The following COMMD1 variants were observed in gnomAD, a reference collection of about 807,000 sequenced individuals.
COMMD1 encodes the protein copper metabolism domain containing 1.
Under a neutral mutation model 17.2 loss-of-function variants are expected in COMMD1, and 10 were observed. The ratio of observed to expected loss-of-function variants is 0.58; its 90% CI spans 0.36 to 0.99. COMMD1 has a LOEUF of 0.99. Among genes scored for constraint, COMMD1 ranks in the 50% least tolerant of loss-of-function variants. COMMD1 has a pLI of 0.01. For synonymous variants in COMMD1, 97 were observed against 91.6 expected, an observed-to-expected ratio of 1.06 and a Z score of -0.34; for missense variants, 270 against 231.8, an observed-to-expected ratio of 1.17 and a Z score of -1.07.
At chr2:62,120,305 GT>G (rs374491424) in intron 2 of COMMD1, among the ~76,000 whole-genome samples, 1,928 of 143,604 alleles carry the variant, frequency 0.013, 40 homozygotes, top group African/African-American at 0.045. Context: ...CCAGCTGTGG[GT>G]TTTTTTTTTT....
intron 2 of COMMD1, among the ~76,000 whole-genome samples, chr2:62,056,385 T>G (rs1309382332): frequency 6.6e-6 from 1 of 152,170 alleles, no homozygotes; most frequent in African/African-American, 2.4e-5. Context: ...GTTTTTGAGT[T>G]ATGAGAGCCA....
chr2:62,096,404 A>G (rs562810209), intron 2 of COMMD1, among the ~76,000 whole-genome samples: 5 of 152,330 alleles, frequency 3.3e-5, no homozygotes, highest in African/African-American at 1.2e-4. Context: ...TTGAGTTAAT[A>G]TTCCTAGAGC....
intron 1 of COMMD1, among the ~76,000 whole-genome samples, chr2:61,900,538 T>C (rs1322452067): frequency 6.6e-6 from 1 of 152,066 alleles, no homozygotes; most frequent in Admixed American, 6.6e-5. Context: ...TGCCACAGAG[T>C]CTTATGATCC....
chr2:61,960,134 T>C (rs1283001742), intron 1 of COMMD1, among the ~76,000 whole-genome samples: 1 of 151,908 alleles, frequency 6.6e-6, no homozygotes, highest in Non-Finnish European at 1.5e-5. Context: ...TGTGTGTGTG[T>C]ACACACACAC....
chr2:61,938,088 G>A (rs750440542), intron 1 of COMMD1, among the ~76,000 whole-genome samples: 2 of 152,102 alleles, frequency 1.3e-5, no homozygotes, highest in East Asian at 3.9e-4. Context: ...GCAGGAGAGA[G>A]GGCTCTCCTC....
chr2:61,921,363 A>T (rs1264986574), intron 1 of COMMD1, among the ~76,000 whole-genome samples: 1 of 152,224 alleles, frequency 6.6e-6, no homozygotes, highest in African/African-American at 2.4e-5. Context: ...TTAGTCATTT[A>T]CAGAAATATT....
intron 1 of COMMD1, among the ~76,000 whole-genome samples, chr2:61,942,333 A>G (rs767863738): frequency 8.6e-5 from 13 of 151,908 alleles, no homozygotes; most frequent in African/African-American, 2.9e-4. Flanking sequence ...CGAACTCCTG[A>G]CCTCAGGTGA....
chr2:62,053,926 G>C (rs1439320000), intron 2 of COMMD1, among the ~76,000 whole-genome samples: 1 of 152,146 alleles, frequency 6.6e-6, no homozygotes, highest in Non-Finnish European at 1.5e-5. Flanking sequence ...CCTGTTGAAT[G>C]GAAGAAAATA....
intron 2 of COMMD1, among the ~76,000 whole-genome samples, chr2:62,072,180 A>G (rs1671215081): frequency 6.6e-6 from 1 of 152,106 alleles, no homozygotes; most frequent in Admixed American, 6.5e-5. Context: ...GAGGTAGACA[A>G]ATTCCTAGGC....
chr2:62,115,849 T>C (rs1270830248), intron 2 of COMMD1, among the ~76,000 whole-genome samples: 5 of 115,958 alleles, frequency 4.3e-5, no homozygotes, highest in Non-Finnish European at 8.9e-5. Flanking sequence ...TCTTTCTTTC[T>C]TTCTTTCTTT....
chr2:62,109,038 C>T (rs1672386772), intron 2 of COMMD1, among the ~76,000 whole-genome samples: 1 of 152,168 alleles, frequency 6.6e-6, no homozygotes, highest in South Asian at 2.1e-4. Context: ...GTCTACTTGG[C>T]CTGTCTGCCC....
intron 2 of COMMD1, among the ~76,000 whole-genome samples, chr2:62,020,736 A>T (rs1669588809): frequency 6.6e-6 from 1 of 152,192 alleles, no homozygotes; most frequent in African/African-American, 2.4e-5. Flanking sequence ...GTGGTGGCTC[A>T]CGCTTGTAAT....
chr2:62,124,064 C>T (rs1672825087), intron 2 of COMMD1, among the ~76,000 whole-genome samples: 1 of 152,164 alleles, frequency 6.6e-6, no homozygotes, highest in South Asian at 2.1e-4. Context: ...CTTTGGGAGG[C>T]CAAGGTGGGC....
chr2:61,992,004 T>G (rs1672265210), intron 1 of COMMD1, among the ~76,000 whole-genome samples: 1 of 152,194 alleles, frequency 6.6e-6, no homozygotes, highest in Non-Finnish European at 1.5e-5. Context: ...GTCATAAATG[T>G]AGTACAAAGG....
rs188199857 is a variant in COMMD1, at chr2:62,023,249, A to C, written c.462+22267A>C. 4.8e-3 allele frequency among the ~76,000 whole-genome samples: 727 copies of C among 152,160 alleles called. 8 individuals carry two copies. The highest frequency in any genetic ancestry group is 0.016 in the African/African-American group (653 of 41,514). ...CTCAAAAAAAAAAAAAAGCATGAGA[A>C]TGCAAACACAAAATTTAGAATAGTA... On this transcript the variant is annotated intron_variant, in intron 2 of 2. Transcript: ENST00000311832.
At chr2:61,999,524 G>T (rs1668862672) in intron 1 of COMMD1, among the ~76,000 whole-genome samples, 1 of 152,110 alleles carries the variant, frequency 6.6e-6, no homozygotes, top group Admixed American at 6.5e-5. Flanking sequence ...AACCAAGCCT[G>T]GCTATAAGGC....
intron 2 of COMMD1, among the ~76,000 whole-genome samples, chr2:62,061,557 T>C (rs1353580189): frequency 2.0e-5 from 3 of 146,912 alleles, no homozygotes; most frequent in Non-Finnish European, 4.6e-5. Flanking sequence ...TTCTTTTCTT[T>C]TTTTTTTTTT....
At chr2:62,125,547 C>G (rs1183702534) in intron 2 of COMMD1, among the ~76,000 whole-genome samples, 1 of 151,612 alleles carries the variant, frequency 6.6e-6, no homozygotes, top group Non-Finnish European at 1.5e-5. Flanking sequence ...GAGGCTATGT[C>G]TAGATAAAAA....
At position 61,929,927 on chromosome 2, in the gene COMMD1, G is replaced by A. The variant is rs1478159657; in HGVS notation, c.180+24069G>A. 2.0e-5 allele frequency among the ~76,000 whole-genome samples: 3 copies of A among 149,860 alleles called. No individual in the cohort carries two copies. The East Asian group carries it at 5.9e-4, about 29-fold the overall frequency. On this transcript the variant is annotated intron_variant, in intron 1 of 2. Transcript: ENST00000311832. ...AGCCTGGGTGACAGAGCCAGACCCT[G>A]TCTCAAAAAAAAAAAAAGTATGCTT...
Sources: gnomAD v4.1 joint callset for allele counts (sites outside exome capture counted in the v4.1 genomes callset) on GRCh38, gnomAD v4.1.1 for gene constraint, MANE v1.5 for transcripts, NCBI Gene and HGNC (gene_info 2026-07-23, HGNC 2026-07-21) for gene names.